The following SULT1E1 variants were observed in gnomAD, a reference collection of about 807,000 sequenced individuals.
SULT1E1 encodes the protein sulfotransferase 1E1.
A neutral mutation model predicts 33.6 loss-of-function variants in SULT1E1; 36 were observed. The observed-to-expected ratio is 1.07, with a 90% CI of 0.82 to 1.41. SULT1E1 has a LOEUF of 1.41. Ranked by LOEUF, SULT1E1 falls within the 40% of genes most tolerant of loss-of-function variation. The probability of loss-of-function intolerance (pLI) is 0.00; values close to 1 mark genes in which losing one functional copy is unlikely to be tolerated. For synonymous variants in SULT1E1, 121 were observed against 111.7 expected (o/e 1.08, Z -0.53); for missense variants, 371 against 345.7 (o/e 1.07, Z -0.58).
chr4:69,848,485 A>G (rs773829139), intron 5 of SULT1E1, among the ~76,000 whole-genome samples: 3 of 151,876 alleles, frequency 2.0e-5, no homozygotes, highest in Non-Finnish European at 2.9e-5. Context: ...AAGTCATTGT[A>G]TGCCTCCTCT....
the SULT1E1 span, among the ~76,000 whole-genome samples, chr4:69,822,831 A>G: frequency 2.6e-5 from 4 of 152,142 alleles, no homozygotes; most frequent in Non-Finnish European, 5.9e-5. Flanking sequence ...ACTGCTGTAC[A>G]TGGGAGATGT....
the SULT1E1 span, among the ~76,000 whole-genome samples, chr4:69,821,349 T>C: frequency 4.6e-5 from 7 of 152,296 alleles, no homozygotes; most frequent in Non-Finnish European, 8.8e-5. Flanking sequence ...TACCTAAGAA[T>C]AAGGCTGTAT....
intron 4 of SULT1E1, 36 bp downstream of exon 4, chr4:69,854,181 T>C (rs949649230): frequency 4.1e-6 from 6 of 1,478,738 alleles, no homozygotes; most frequent in Non-Finnish European, 5.6e-6. Context: ...TTTCTTGGAA[T>C]TGGATGAAGT....
intron 6 of SULT1E1, among the ~76,000 whole-genome samples, chr4:69,847,336 A>G (rs557850111): frequency 6.6e-6 from 1 of 151,612 alleles, no homozygotes; most frequent in East Asian, 1.9e-4. Flanking sequence ...CTATCTAACA[A>G]TTGCAACATC....
Position 69,857,493 on chromosome 4 carries a change from G to T in SULT1E1, c.145+7C>A, listed in dbSNP as rs374642248. ...TTAGGTGAAAAAAGAACAACAAAGA[G>T]ATTTACCAGATTTAGGGTAGGTGGC... On this transcript the variant is annotated splice_region_variant and intron_variant, in intron 2 of 7. Coordinates refer to ENST00000226444, the MANE Select transcript of SULT1E1 (RefSeq NM_005420.3). 1.3e-5 allele frequency: 20 copies of T among 1,587,064 alleles called. No individual in the cohort carries two copies. In the African/African-American group the frequency reaches 2.6e-4, roughly 21 times the overall value.
Position 69,857,521 on chromosome 4 carries a change from T to C in SULT1E1, c.124A>G (p.Ile42Val), listed in dbSNP as rs994190559. 35 of 1,604,750 alleles carry C rather than the reference T, an allele frequency of 2.2e-5. No individual in the cohort carries two copies. Among genetic ancestry groups the C allele is most frequent in the Non-Finnish European group, 3.0e-5 (35 of 1,177,660 alleles). ...AFQARPDDLVIATYPKSGTTW... is the reference protein window; with the variant it reads ...AFQARPDDLVVATYPKSGTTW... ...TTACCAGATTTAGGGTAGGTGGCAA[T>C]GACAAGATCATCTGGTCTTGCCTGG... The change falls in exon 2 of 8, where the codon ATT becomes GTT. Residue 42 changes from isoleucine to valine, a missense_variant. Physicochemically the swap from Ile to Val is conservative, Grantham distance 29. Transcript: ENST00000226444.
At chr4:69,830,541 C>G in the SULT1E1 span, among the ~76,000 whole-genome samples, 3 of 152,352 alleles carry the variant, frequency 2.0e-5, no homozygotes, top group Non-Finnish European at 4.4e-5. Context: ...TTTTCTCCCA[C>G]CATTTTTTAG....
chr4:69,857,546 G>A lies in SULT1E1; in HGVS notation c.99C>T (p.Phe33=). The A allele has an allele frequency of 1.2e-6, 2 of 1,612,978 alleles. No homozygotes were observed. The highest frequency in any genetic ancestry group is 1.7e-6 in the Non-Finnish European group (2 of 1,179,640). ...FVKYWDNVEA[F]QARPDDLVIA... ...TGACAAGATCATCTGGTCTTGCCTG[G>A]AACGCTTCCACATTATCCCAATATT... Residue 33 remains phenylalanine (F), a synonymous_variant, in exon 2 of 8, where the codon TTC becomes TTT. Coordinates refer to ENST00000226444, the MANE Select transcript of SULT1E1 (RefSeq NM_005420.3).
chr4:69,858,532 T>C (rs1375877416), intron 1 of SULT1E1, among the ~76,000 whole-genome samples: 2 of 152,098 alleles, frequency 1.3e-5, no homozygotes, highest in East Asian at 3.8e-4. Flanking sequence ...CCCAACACAT[T>C]TTGTCTTTCC....
the SULT1E1 span, among the ~76,000 whole-genome samples, chr4:69,832,812 CACTT>C: frequency 0.04 from 6,075 of 152,112 alleles, 395 homozygotes; most frequent in African/African-American, 0.14. Context: ...GAACTCATAA[CACTT>C]ACAGAGCAAG....
At chr4:69,840,201 A>G (rs1400662102), downstream of SULT1E1, among the ~76,000 whole-genome samples, 1 of 151,950 alleles carries the variant, frequency 6.6e-6, no homozygotes, top group Non-Finnish European at 1.5e-5. Context: ...TAATAACTAT[A>G]TTAAACATTA....
intron 4 of SULT1E1, among the ~76,000 whole-genome samples, chr4:69,851,126 G>A (rs1393232668): frequency 6.6e-6 from 1 of 152,030 alleles, no homozygotes. Flanking sequence ...TGACAAATGG[G>A]ATCTAATTAA....
intron 2 of SULT1E1, 104 bp downstream of exon 2, chr4:69,857,396 T>A: frequency 7.1e-7 from 1 of 1,399,386 alleles, no homozygotes; most frequent in Non-Finnish European, 9.6e-7. Flanking sequence ...CCGCATCTGT[T>A]CTTAATATAG....
chr4:69,821,655 A>G, the SULT1E1 span, among the ~76,000 whole-genome samples: 5 of 152,210 alleles, frequency 3.3e-5, no homozygotes, highest in Non-Finnish European at 7.3e-5. Flanking sequence ...CTAAACTCCA[A>G]TCCTTAGCAG....
At chr4:69,825,449 C>T in the SULT1E1 span, among the ~76,000 whole-genome samples, 2 of 152,106 alleles carry the variant, frequency 1.3e-5, no homozygotes, top group Non-Finnish European at 2.9e-5. Flanking sequence ...AGCATCAGAC[C>T]CCTTTCACTT....
At chr4:69,833,494 A>C in the SULT1E1 span, among the ~76,000 whole-genome samples, 1 of 152,310 alleles carries the variant, frequency 6.6e-6, no homozygotes, top group African/African-American at 2.4e-5. Flanking sequence ...TTCCTTCATA[A>C]ACAATTGAAG....
chr4:69,833,418 C>G, the SULT1E1 span, among the ~76,000 whole-genome samples: 63 of 152,306 alleles, frequency 4.1e-4, 1 homozygote, highest in Non-Finnish European at 6.8e-4. Context: ...AGACTTCTTA[C>G]TTGTACAGCT....
the SULT1E1 span, among the ~76,000 whole-genome samples, chr4:69,824,469 A>G: frequency 6.6e-6 from 1 of 152,242 alleles, no homozygotes; most frequent in Non-Finnish European, 1.5e-5. Context: ...CCAGAGGAGG[A>G]GCTCCTTTTT....
chr4:69,838,824 G>C (rs1910465), downstream of SULT1E1, among the ~76,000 whole-genome samples: 3 of 152,000 alleles, frequency 2.0e-5, no homozygotes, highest in African/African-American at 7.2e-5. Flanking sequence ...CCACTCCAAA[G>C]TTACTCTTCC....
Sources: allele counts gnomAD v4.1 joint callset (sites outside exome capture counted in the v4.1 genomes callset), GRCh38; gene constraint gnomAD v4.1.1; transcripts MANE v1.5; gene names NCBI Gene and HGNC (gene_info 2026-07-23, HGNC 2026-07-21).